Variants in IBTK observed in about 807,000 individuals in gnomAD.
The protein encoded by IBTK is inhibitor of Bruton tyrosine kinase, also known as BTK-binding protein.
Under a neutral mutation model 154.9 loss-of-function variants are expected in IBTK, and 83 were observed. That is an observed-to-expected ratio of 0.54 (90% CI 0.45 to 0.64). The LOEUF (loss-of-function observed/expected upper bound fraction) is 0.64. IBTK is among the 30% of genes least tolerant of loss of function. IBTK has a pLI of 0.00. For missense variants in IBTK, 1,332 were observed against 1,584.6 expected, an observed-to-expected ratio of 0.84 and a Z score of 2.71; for synonymous variants, 515 against 536.1, an observed-to-expected ratio of 0.96 and a Z score of 0.54.
At chr6:82,237,795 T>G (rs567827184) in intron 2 of IBTK, among the ~76,000 whole-genome samples, 50 of 151,968 alleles carry the variant, frequency 3.3e-4, no homozygotes, top group African/African-American at 1.1e-3. Flanking sequence ...TGTTACTACA[T>G]AAAAGCCACT....
In IBTK at chr6:82,247,621, G is replaced by T. The variant is rs1157775797; in HGVS notation, c.-417C>A. On this transcript the variant is annotated 5_prime_UTR_variant, in exon 1 of 29. Transcript: ENST00000306270. ...CAGGGTCCACATAGAGCCACAAAGGGACTCATCCTCAGTGAAGGCAATAAG... is the reference window on the plus strand; with the variant it reads ...CAGGGTCCACATAGAGCCACAAAGGTACTCATCCTCAGTGAAGGCAATAAG... The T allele has an allele frequency of 1.3e-5, 5 of 398,636 alleles. No homozygotes were observed. The highest frequency in any genetic ancestry group is 2.1e-5 in the African/African-American group (1 of 48,640). The allele number at this position is 398,636 out of a possible 1,614,324, so 24.7% of individuals were successfully genotyped here.
In IBTK at chr6:82,200,114, G is replaced by A. The variant is rs146652154; in HGVS notation, c.3025+27C>T. ...AATAGAGACATAGAAGATTAGAACT[G>A]GAAATACATGCTCACTTTCCACGAA... is the stretch of plus-strand genomic sequence containing the variant. On this transcript the variant is annotated intron_variant, in intron 21 of 28. Transcript: ENST00000306270. 144 of 1,365,054 alleles carry A rather than the reference G, an allele frequency of 1.1e-4. 1 individual carries two copies. The East Asian group carries it at 3.3e-3, about 31-fold the overall frequency. The allele number at this position is 1,365,054 out of a possible 1,614,324, so 84.6% of individuals were successfully genotyped here.
At chr6:82,184,925 T>A (rs1372961117) in intron 25 of IBTK, among the ~76,000 whole-genome samples, 1 of 152,164 alleles carries the variant, frequency 6.6e-6, no homozygotes, top group Non-Finnish European at 1.5e-5. Flanking sequence ...CTCACACCTG[T>A]AATCCCAGCA....
chr6:82,185,801 C>T (rs1349341015), intron 25 of IBTK, among the ~76,000 whole-genome samples: 1 of 151,884 alleles, frequency 6.6e-6, no homozygotes. Context: ...TCTAAGAATT[C>T]AAGAAAGAAA....
At chr6:82,244,287 G>A (rs1209735803) in intron 1 of IBTK, among the ~76,000 whole-genome samples, 2 of 152,172 alleles carry the variant, frequency 1.3e-5, no homozygotes, top group Non-Finnish European at 2.9e-5. Context: ...ATTATCACTT[G>A]TTACCACTTC....
chr6:82,196,868 A>G (rs1769007065), intron 21 of IBTK, among the ~76,000 whole-genome samples: 1 of 152,182 alleles, frequency 6.6e-6, no homozygotes, highest in African/African-American at 2.4e-5. Context: ...GGGTAGCTTC[A>G]TTCTATGTGG....
chr6:82,189,269 T>G (rs2127802102), intron 25 of IBTK, among the ~76,000 whole-genome samples: 1 of 150,344 alleles, frequency 6.7e-6, no homozygotes, highest in South Asian at 2.1e-4. Context: ...ACATTAGAGA[T>G]AAAGAAAAGA....
intron 10 of IBTK, among the ~76,000 whole-genome samples, chr6:82,217,686 C>T (rs1181253196): frequency 6.6e-6 from 1 of 152,116 alleles, no homozygotes; most frequent in South Asian, 2.1e-4. Context: ...TTTGTTCTGG[C>T]ACACAATAAC....
rs1360750296 is a variant in IBTK at position 82,220,571 on chromosome 6, T to A, written c.1248+19A>T. 5.0e-6 allele frequency: 8 copies of A among 1,585,960 alleles called. No individual in the cohort carries two copies. Among genetic ancestry groups the A allele is most frequent in the Non-Finnish European group, 6.0e-6 (7 of 1,171,326 alleles). ...TCAACTGAGAGTAAGATTACACTTT[T>A]ACATAAACATGTACTTACCCTTCCA... On this transcript the variant is annotated intron_variant, in intron 9 of 28. Coordinates refer to ENST00000306270, the MANE Select transcript of IBTK (RefSeq NM_015525.4).
chr6:82,237,896 T>A (rs1022171366), intron 2 of IBTK, among the ~76,000 whole-genome samples: 6 of 152,140 alleles, frequency 3.9e-5, no homozygotes, highest in African/African-American at 1.4e-4. Flanking sequence ...CAGAACTGTT[T>A]TTTTCTTTTC....
chr6:82,210,262 T>A (rs1254943328), intron 16 of IBTK: 1 of 151,508 alleles, frequency 6.6e-6, no homozygotes, highest in East Asian at 1.9e-4. Flanking sequence ...AATTCATTCA[T>A]CTCCATCATA....
chr6:82,209,522 G>A (rs905518025), intron 16 of IBTK, among the ~76,000 whole-genome samples: 1 of 152,162 alleles, frequency 6.6e-6, no homozygotes, highest in East Asian at 1.9e-4. Flanking sequence ...CAAATCCATA[G>A]AGACAGAAAA....
chr6:82,239,869 T>C (rs1369839115), intron 2 of IBTK, among the ~76,000 whole-genome samples: 1 of 152,220 alleles, frequency 6.6e-6, no homozygotes, highest in East Asian at 1.9e-4. Flanking sequence ...ATAATACTCA[T>C]TAAATGATGT....
rs563153478 is a variant in IBTK at position 82,241,080 on chromosome 6, C to T, written c.-357-237G>A. On this transcript the variant is annotated intron_variant, in intron 1 of 28. Transcript: ENST00000306270. Reference sequence around the variant, plus strand: ...ACCTCTGGCATAAACGGGTTAATTCCTTTTTTTTCTTAAATCTATCGACCT... The same window carrying T: ...ACCTCTGGCATAAACGGGTTAATTCTTTTTTTTTCTTAAATCTATCGACCT... Among the ~76,000 whole-genome samples, 6 of 151,928 alleles carry T rather than the reference C, an allele frequency of 3.9e-5. No individual in the cohort carries two copies. In the East Asian group the frequency reaches 5.8e-4, roughly 15 times the overall value.
chr6:82,191,033 G>A, intron 25 of IBTK, 40 bp downstream of exon 25: 2 of 1,426,696 alleles, frequency 1.4e-6, no homozygotes, highest in South Asian at 1.5e-5. Context: ...AAAAGCAAAT[G>A]CACAAATCTA....
At chr6:82,227,005 C>G (rs1770322526) in intron 5 of IBTK, among the ~76,000 whole-genome samples, 187 bp downstream of exon 5, 1 of 151,954 alleles carries the variant, frequency 6.6e-6, no homozygotes, top group Non-Finnish European at 1.5e-5. Context: ...TTTTTTTAAT[C>G]CTTTTGCATT....
Position 82,174,795 on chromosome 6 carries a change from T to C in IBTK, c.3726-1357A>G, listed in dbSNP as rs1424473622. On this transcript the variant is annotated intron_variant, in intron 26 of 28. Coordinates refer to ENST00000306270, the MANE Select transcript of IBTK (RefSeq NM_015525.4). ...TAAAAAACAAACTCAAAGAATATTA[T>C]ATAATTTGTCTGATTAACAAGTTAG... 8 of 361,142 alleles carry C rather than the reference T, an allele frequency of 2.2e-5. No individual in the cohort carries two copies. In the East Asian group the frequency reaches 4.3e-4, roughly 20 times the overall value. The allele number at this position is 361,142 out of a possible 1,614,324, so 22.4% of individuals were successfully genotyped here. A position where few individuals can be genotyped will look rare whatever the true frequency, so the allele number is the denominator to read the frequency against.
chr6:82,189,010 A>AC, intron 25 of IBTK: 3 of 446,010 alleles, frequency 6.7e-6, no homozygotes, highest in Non-Finnish European at 1.3e-5. Context: ...AACCTGAACA[A>AC]CAGGGTGAGA....
chr6:82,204,229 G>A (rs1237528833), intron 17 of IBTK, among the ~76,000 whole-genome samples: 1 of 152,150 alleles, frequency 6.6e-6, no homozygotes, highest in African/African-American at 2.4e-5. Flanking sequence ...CAACTGCATA[G>A]TAACAGTGAG....
Sources: gnomAD v4.1 joint callset for allele counts (sites outside exome capture counted in the v4.1 genomes callset) on GRCh38, gnomAD v4.1.1 for gene constraint, MANE v1.5 for transcripts, NCBI Gene and HGNC (gene_info 2026-07-23, HGNC 2026-07-21) for gene names.